NEDD4L: variants seen among roughly 807,000 people sequenced by gnomAD.
NEDD4L encodes the protein NEDD4 like E3 ubiquitin protein ligase.
NEDD4L carries 54 observed loss-of-function variants against 148.9 expected under a neutral mutation model. The observed-to-expected ratio is 0.36, with a 90% confidence interval of 0.29 to 0.45. The LOEUF (loss-of-function observed/expected upper bound fraction) is 0.45. Among genes scored for constraint, NEDD4L ranks in the 20% least tolerant of loss-of-function variants. The pLI is 1.00. For missense variants in NEDD4L, 856 were observed against 1,233.8 expected (o/e 0.69, Z 4.59); for synonymous variants, 433 against 440.7 (o/e 0.98, Z 0.22).
intron 1 of NEDD4L, chr18:58,054,879 A>G (rs1222219475): frequency 2.0e-5 from 3 of 152,156 alleles, no homozygotes; most frequent in African/African-American, 7.2e-5. Flanking sequence ...AGAAATTGGT[A>G]TGTGCCGTGC....
intron 1 of NEDD4L, among the ~76,000 whole-genome samples, chr18:58,154,959 C>T (rs1367932573): frequency 6.6e-6 from 1 of 152,158 alleles, no homozygotes; most frequent in African/African-American, 2.4e-5. Flanking sequence ...AACTACCTTC[C>T]TCCCATATTA....
At chr18:58,207,662 G>A (rs111750952) in intron 2 of NEDD4L, among the ~76,000 whole-genome samples, 52 of 152,312 alleles carry the variant, frequency 3.4e-4, no homozygotes, top group African/African-American at 1.2e-3. Flanking sequence ...CCCCAGTGAT[G>A]TTTGGGGTAC....
At chr18:58,200,997 A>T (rs920634547) in intron 2 of NEDD4L, among the ~76,000 whole-genome samples, 3 of 151,964 alleles carry the variant, frequency 2.0e-5, no homozygotes, top group Admixed American at 6.6e-5. Flanking sequence ...GCAAACCTGG[A>T]CTCTCTTGTA....
Position 58,341,086 on chromosome 18 carries a change from G to C in NEDD4L, c.1174G>C (p.Glu392Gln), listed in dbSNP as rs1010706982. The change falls in exon 14 of 31, where the codon GAA becomes CAA. Residue 392 changes from glutamate to glutamine, a missense_variant. Coordinates refer to ENST00000400345, the MANE Select transcript of NEDD4L (RefSeq NM_001144967.3). ...HTTPGLPSGW[E>Q]ERKDAKGRTY... ...CACGCCGGGTCTGCCTTCAGGCTGG[G>C]AAGAAAGAAAAGATGCTAAGGGGCG... The C allele has an allele frequency of 2.5e-6, 4 of 1,611,892 alleles. No homozygotes were observed. Among genetic ancestry groups the C allele is most frequent in the Non-Finnish European group, 3.4e-6 (4 of 1,178,998 alleles).
intron 2 of NEDD4L, among the ~76,000 whole-genome samples, chr18:58,170,293 C>T (rs545995520): frequency 7.9e-5 from 12 of 152,108 alleles, no homozygotes; most frequent in South Asian, 2.1e-4. Context: ...GGCCCCTGCC[C>T]GCCTCATCAC....
At position 58,082,102 on chromosome 18, in the gene NEDD4L, A is replaced by ATATATATATTTTTTT; in HGVS notation, c.48+37395_48+37396insATATATATTTTTTTT. ...TGAATATATATATATATATATATATATTTTTTTTTTTTTTTTTTTCTTGAG... is the reference window on the plus strand; with the variant it reads ...TGAATATATATATATATATATATATATATATATATTTTTTTTTTTTTTTTTTTTTTTTTTCTTGAG... On this transcript the variant is annotated intron_variant, in intron 1 of 30. Coordinates refer to ENST00000400345, the MANE Select transcript of NEDD4L (RefSeq NM_001144967.3). 3.2e-3 allele frequency among the ~76,000 whole-genome samples: 158 copies of ATATATATATTTTTTT among 48,798 alleles called. 1 individual carries two copies. The highest frequency in any genetic ancestry group is 0.015 in the African/African-American group (117 of 7,816). 32.0% of individuals were successfully genotyped at this position (48,798 alleles called of 152,430 possible).
chr18:58,221,876 C>G (rs1392703168), intron 2 of NEDD4L: 2 of 289,346 alleles, frequency 6.9e-6, no homozygotes, highest in African/African-American at 4.5e-5. Flanking sequence ...TAGCATGTAC[C>G]AAGATTTTCA....
rs2039030258 is a variant in NEDD4L at position 58,183,051 on chromosome 18, G to A, written c.122+17190G>A. Among the ~76,000 whole-genome samples the A allele has an allele frequency of 2.0e-5, 3 of 152,156 alleles. 1 individual carries two copies. The South Asian group carries it at 6.2e-4, about 32-fold the overall frequency. ...TAAGAATAATGCTTCAGGTTGTATG[G>A]GAGAAGTGTCTGACAGCAGTAACTT... is the stretch of plus-strand genomic sequence containing the variant. On this transcript the variant is annotated intron_variant, in intron 2 of 30. Transcript: ENST00000400345.
chr18:58,194,838 A>G (rs1435374314), intron 2 of NEDD4L, among the ~76,000 whole-genome samples: 1 of 152,258 alleles, frequency 6.6e-6, no homozygotes, highest in Non-Finnish European at 1.5e-5. Flanking sequence ...GGGAACTGTG[A>G]AAGACAAGAA....
At chr18:58,287,094 CT>C (rs577731926) in intron 5 of NEDD4L, among the ~76,000 whole-genome samples, 333 of 136,268 alleles carry the variant, frequency 2.4e-3, no homozygotes, top group African/African-American at 2.5e-3. Context: ...ACTTCTTTTT[CT>C]TTTTTTTTTT....
At chr18:58,194,028 G>A (rs1013019229) in intron 2 of NEDD4L, 1 of 152,394 alleles carries the variant, frequency 6.6e-6, no homozygotes, top group East Asian at 1.9e-4. Context: ...CACGCGAGGT[G>A]GGTAGGGAAG....
chr18:58,146,479 GGTGTCCA>G (rs766283998), intron 1 of NEDD4L, among the ~76,000 whole-genome samples: 83 of 152,134 alleles, frequency 5.5e-4, no homozygotes, highest in Non-Finnish European at 1.0e-3. Flanking sequence ...TGGTTACTAG[GGTGTCCA>G]GCGACCAGCC....
chr18:58,156,488 A>G (rs1463720388), intron 1 of NEDD4L, among the ~76,000 whole-genome samples: 2 of 152,172 alleles, frequency 1.3e-5, no homozygotes, highest in Non-Finnish European at 2.9e-5. Context: ...GATCTTGTGC[A>G]GTTCTTCTTA....
intron 5 of NEDD4L, among the ~76,000 whole-genome samples, chr18:58,290,214 GA>G (rs1192677846): frequency 6.6e-6 from 1 of 152,190 alleles, no homozygotes; most frequent in Non-Finnish European, 1.5e-5. Flanking sequence ...AAGAAACAAA[GA>G]AATGACTAAT....
intron 1 of NEDD4L, among the ~76,000 whole-genome samples, chr18:58,081,940 G>A (rs1462725054): frequency 2.0e-5 from 3 of 151,616 alleles, no homozygotes; most frequent in African/African-American, 7.3e-5. Flanking sequence ...CTCATTGTGT[G>A]TGATAGGGCT....
intron 1 of NEDD4L, among the ~76,000 whole-genome samples, chr18:58,087,614 C>G (rs1313948734): frequency 6.6e-6 from 1 of 152,154 alleles, no homozygotes. Context: ...GTGGCTCATG[C>G]CTGTAATCCC....
chr18:58,290,351 C>G (rs571222327), intron 5 of NEDD4L, among the ~76,000 whole-genome samples: 10 of 152,328 alleles, frequency 6.6e-5, no homozygotes, highest in African/African-American at 2.2e-4. Flanking sequence ...ACTGGACAGT[C>G]TAAAATAGAT....
At chr18:58,291,538 C>T (rs927616177) in intron 5 of NEDD4L, among the ~76,000 whole-genome samples, 38 of 151,962 alleles carry the variant, frequency 2.5e-4, no homozygotes, top group African/African-American at 8.9e-4. Context: ...GTTTTCTGAC[C>T]CCTGAGAATA....
At chr18:58,153,357 A>G (rs189321092) in intron 1 of NEDD4L, among the ~76,000 whole-genome samples, 3,468 of 136,460 alleles carry the variant, frequency 0.025, 103 homozygotes, top group African/African-American at 0.088. Context: ...TTTTTTTTTT[A>G]AAGACAGAGT....
Sources: allele counts gnomAD v4.1 joint callset (sites outside exome capture counted in the v4.1 genomes callset), GRCh38; gene constraint gnomAD v4.1.1; transcripts MANE v1.5; gene names NCBI Gene and HGNC (gene_info 2026-07-23, HGNC 2026-07-21).